The following PDE4B variants were observed in gnomAD, a reference collection of about 807,000 sequenced individuals.
PDE4B encodes 3',5'-cyclic-AMP phosphodiesterase 4B.
A neutral mutation model predicts 82.2 loss-of-function variants in PDE4B; 20 were observed. That is an observed-to-expected ratio of 0.24 (90% CI 0.17 to 0.35). The LOEUF (loss-of-function observed/expected upper bound fraction) is 0.35. Ranked by LOEUF, PDE4B falls within the 10% of genes least tolerant of loss-of-function variation. PDE4B has a pLI of 1.00. For missense variants in PDE4B, 655 were observed against 907.2 expected (o/e 0.72, Z 3.57); for synonymous variants, 320 against 318.9 (o/e 1.00, Z -0.04).
intron 1 of PDE4B, among the ~76,000 whole-genome samples, chr1:65,874,090 C>T (rs1646608009): frequency 6.6e-6 from 1 of 151,776 alleles, no homozygotes; most frequent in Non-Finnish European, 1.5e-5. Flanking sequence ...TCTTTTATTT[C>T]CTTGAGCAGT....
intron 3 of PDE4B, among the ~76,000 whole-genome samples, chr1:66,090,737 A>ACATACATACATATGTG (rs142862688): frequency 7.6e-5 from 11 of 143,816 alleles, no homozygotes; most frequent in South Asian, 6.6e-4. Flanking sequence ...ATGTATGTAT[A>ACATACATACATATGTG]TATACATATA....
intron 7 of PDE4B, among the ~76,000 whole-genome samples, chr1:66,314,730 A>G (rs1658906155): frequency 6.6e-6 from 1 of 151,460 alleles, no homozygotes; most frequent in South Asian, 2.1e-4. Context: ...TGTTTTCATC[A>G]CTCTATTCAG....
intron 3 of PDE4B, among the ~76,000 whole-genome samples, chr1:66,241,398 A>C (rs1652877261): frequency 1.3e-5 from 2 of 152,244 alleles, no homozygotes; most frequent in Non-Finnish European, 2.9e-5. Flanking sequence ...TAGGGATCAG[A>C]TAGTACATTT....
chr1:65,927,797 C>T (rs938786098), intron 3 of PDE4B, among the ~76,000 whole-genome samples: 10 of 152,168 alleles, frequency 6.6e-5, no homozygotes, highest in African/African-American at 1.7e-4. Flanking sequence ...CCTTTCTCAC[C>T]GTAACAGCCC....
intron 3 of PDE4B, among the ~76,000 whole-genome samples, chr1:66,140,119 T>C (rs1474272617): frequency 6.6e-6 from 1 of 152,188 alleles, no homozygotes; most frequent in African/African-American, 2.4e-5. Context: ...ACCTTTTTTT[T>C]TCCTTTTGAT....
intron 3 of PDE4B, among the ~76,000 whole-genome samples, chr1:66,181,481 T>C (rs924242382): frequency 3.9e-5 from 6 of 152,220 alleles, no homozygotes; most frequent in African/African-American, 1.4e-4. Context: ...ATATATACTG[T>C]TAGCTAATGG....
At chr1:66,107,282 A>G (rs530975667) in intron 3 of PDE4B, among the ~76,000 whole-genome samples, 29 of 152,050 alleles carry the variant, frequency 1.9e-4, no homozygotes, top group African/African-American at 6.5e-4. Context: ...TTCTAGTCTG[A>G]TTGCACTGTG....
chr1:66,217,740 G>A (rs74084677), intron 3 of PDE4B, among the ~76,000 whole-genome samples: 4,461 of 152,116 alleles, frequency 0.029, 211 homozygotes, highest in African/African-American at 0.1. Context: ...GTTCTGTTGC[G>A]CAATTATTAT....
At chr1:65,838,217 A>G (rs1646163827) in intron 1 of PDE4B, among the ~76,000 whole-genome samples, 1 of 151,980 alleles carries the variant, frequency 6.6e-6, no homozygotes, top group African/African-American at 2.4e-5. Flanking sequence ...AACGGACATT[A>G]TTTTTCAAAA....
chr1:65,817,306 C>A lies in PDE4B; in HGVS notation c.-71+24058C>A, dbSNP rs535030592. On this transcript the variant is annotated intron_variant, in intron 1 of 16. Transcript: ENST00000341517. ...CATTCAGAACCTTGTTGACAGGGAA[C>A]CCAAGTGTAGCTTTCATTGGTGGCA... Among the ~76,000 whole-genome samples, 12 of 152,186 alleles carry A rather than the reference C, an allele frequency of 7.9e-5. No individual in the cohort carries two copies. In the East Asian group the frequency reaches 1.9e-3, roughly 24 times the overall value.
Position 66,361,764 on chromosome 1 carries a change from A to G in PDE4B, c.991A>G (p.Asn331Asp). 6.2e-7 allele frequency: 1 copy of G among 1,612,488 alleles called. No individual in the cohort carries two copies. Among genetic ancestry groups the G allele is most frequent in the Non-Finnish European group, 8.5e-7 (1 of 1,179,076 alleles). ...NNTSISRFGV[N>D]TENEDHLAKE... is the part of the protein sequence containing the mutation. ...TACAAGCATCTCACGCTTTGGAGTC[A>G]ACACTGAAAATGAAGATCACCTGGC... The change falls in exon 10 of 17, where the codon AAC becomes GAC. Residue 331 changes from asparagine to aspartate, a missense_variant. Physicochemically the swap from Asn to Asp is conservative, Grantham distance 23. Transcript: ENST00000341517.
intron 3 of PDE4B, among the ~76,000 whole-genome samples, chr1:66,044,848 T>G (rs1392811): frequency 0.22 from 32,904 of 151,562 alleles, 4,096 homozygotes; most frequent in Middle Eastern, 0.36. Context: ...GAATCCAAGA[T>G]CATTATTATA....
chr1:65,872,127 TCA>T (rs1221306156), intron 1 of PDE4B, among the ~76,000 whole-genome samples: 1 of 152,196 alleles, frequency 6.6e-6, no homozygotes, highest in African/African-American at 2.4e-5. Flanking sequence ...CTTATCAAAC[TCA>T]CAGGTTTTTC....
chr1:65,972,796 T>A (rs904361980), intron 3 of PDE4B, among the ~76,000 whole-genome samples: 3 of 152,200 alleles, frequency 2.0e-5, no homozygotes, highest in Admixed American at 2.0e-4. Flanking sequence ...CTAGTCTTAC[T>A]ACAAGCAAGC....
chr1:66,262,199 A>G (rs1654730485), intron 6 of PDE4B, among the ~76,000 whole-genome samples: 1 of 152,256 alleles, frequency 6.6e-6, no homozygotes, highest in Non-Finnish European at 1.5e-5. Context: ...AATTAAATTA[A>G]CTGAGGATCA....
At chr1:65,892,573 G>A (rs565694566) in intron 1 of PDE4B, among the ~76,000 whole-genome samples, 28 of 151,932 alleles carry the variant, frequency 1.8e-4, no homozygotes, top group Non-Finnish European at 3.2e-4. Flanking sequence ...ACTTAAAAGC[G>A]TGTCTGCATC....
At chr1:65,949,529 A>G (rs986661269) in intron 3 of PDE4B, among the ~76,000 whole-genome samples, 12 of 152,110 alleles carry the variant, frequency 7.9e-5, no homozygotes, top group East Asian at 7.7e-4. Context: ...TGTATAGCCT[A>G]TCTTCTCTTG....
chr1:66,247,605 G>T lies in PDE4B; in HGVS notation c.427G>T (p.Asp143Tyr). The T allele has an allele frequency of 6.2e-7, 1 of 1,605,468 alleles. No homozygotes were observed. The highest frequency in any genetic ancestry group is 1.1e-5 in the South Asian group (1 of 90,054). Residue 143 changes from aspartate to tyrosine, a missense_variant, in exon 4 of 17, where the codon GAC (aspartate) becomes TAC (tyrosine). Asp to Tyr is a radical substitution (Grantham distance 160). Around this residue, in one of 3 missense-constraint regions of PDE4B, gnomAD observed 253 missense variants for 275.6 expected, o/e 0.92. Coordinates refer to ENST00000341517, the MANE Select transcript of PDE4B (RefSeq NM_002600.4). The stretch of plus-strand genomic sequence containing the variant: ...TCTCTACAGATCAGACAGCGACTAT[G>T]ACTTGTCACCAAAGGCGATGTCGAG... ...SFLYRSDSDY[D>Y]LSPKAMSRNS...
chr1:65,987,043 C>T (rs538408213), intron 3 of PDE4B, among the ~76,000 whole-genome samples: 5 of 152,192 alleles, frequency 3.3e-5, no homozygotes, highest in South Asian at 2.1e-4. Context: ...TTGAAGAAGA[C>T]GAAATAAGAG....
Sources: gnomAD v4.1 joint callset for allele counts (sites outside exome capture counted in the v4.1 genomes callset) on GRCh38, gnomAD v4.1.1 for gene constraint, gnomAD v4.1.1 regional missense constraint, MANE v1.5 for transcripts, NCBI Gene and HGNC (gene_info 2026-07-23, HGNC 2026-07-21) for gene names.